THRB: variants seen among roughly 807,000 people sequenced by gnomAD.
The protein encoded by THRB is nuclear receptor subfamily 1 group A member 2.
THRB carries 12 observed loss-of-function variants against 47.8 expected under a neutral mutation model. That is an observed-to-expected ratio of 0.25 (90% confidence interval 0.16 to 0.41). The LOEUF (loss-of-function observed/expected upper bound fraction) is 0.41, where lower values mean the gene tolerates loss of function less well. THRB is among the 10% of genes least tolerant of loss of function. The pLI, the probability that THRB is intolerant of heterozygous loss-of-function variation, is 1.00. For missense variants in THRB, 348 were observed against 589.2 expected (o/e 0.59, Z 4.24); for synonymous variants, 218 against 212.2 (o/e 1.03, Z -0.24).
chr3:24,316,775 A>G (rs2058144332), intron 2 of THRB, among the ~76,000 whole-genome samples: 1 of 151,986 alleles, frequency 6.6e-6, no homozygotes, highest in South Asian at 2.1e-4. Flanking sequence ...CACCAGTCCT[A>G]TTCCTAACTT....
chr3:24,321,591 T>G (rs972297307), intron 2 of THRB, among the ~76,000 whole-genome samples: 1 of 152,128 alleles, frequency 6.6e-6, no homozygotes, highest in Non-Finnish European at 1.5e-5. Context: ...TAAGGTTTCA[T>G]AAATTCCTTG....
rs115509279 is a variant in THRB at position 24,266,417 on chromosome 3, T to C, written c.-43+30809A>G. On this transcript the variant is annotated intron_variant, in intron 3 of 10. Transcript: ENST00000646209. Reference sequence around the variant, plus strand: ...TGGGCCGAATCCAAAGAATCTCTAATGATGACTTTAGACTTGGGAAGAAAT... The same window carrying C: ...TGGGCCGAATCCAAAGAATCTCTAACGATGACTTTAGACTTGGGAAGAAAT... Among the ~76,000 whole-genome samples the C allele has an allele frequency of 4.1e-3, 623 of 152,182 alleles. 5 individuals carry two copies. Among genetic ancestry groups the C allele is most frequent in the African/African-American group, 0.015 (603 of 41,514 alleles).
At chr3:24,330,484 G>T (rs1280620222) in intron 2 of THRB, among the ~76,000 whole-genome samples, 1 of 152,162 alleles carries the variant, frequency 6.6e-6, no homozygotes, top group Non-Finnish European at 1.5e-5. Flanking sequence ...GCGGGTATTT[G>T]ATCCATCACC....
chr3:24,293,794 G>A (rs1056809527), intron 3 of THRB, among the ~76,000 whole-genome samples: 1 of 152,214 alleles, frequency 6.6e-6, no homozygotes, highest in African/African-American at 2.4e-5. Context: ...CAAAGCAGAT[G>A]CCATTGTGGC....
intron 5 of THRB, among the ~76,000 whole-genome samples, chr3:24,168,098 G>T (rs1405276319): frequency 2.6e-5 from 4 of 152,066 alleles, no homozygotes; most frequent in African/African-American, 9.7e-5. Flanking sequence ...GGAGAAAAGA[G>T]AACAAAACAT....
chr3:24,290,444 C>G (rs2150968537), intron 3 of THRB, among the ~76,000 whole-genome samples: 1 of 152,254 alleles, frequency 6.6e-6, no homozygotes, highest in Admixed American at 6.5e-5. Flanking sequence ...CAGTGAGCAT[C>G]ATATCCTGGG....
rs1163428357 is a variant in THRB, at chr3:24,252,446, T to C, written c.-42-23445A>G. Among the ~76,000 whole-genome samples the C allele has an allele frequency of 2.6e-5, 4 of 152,202 alleles. No individual in the cohort carries two copies. In the South Asian group the frequency reaches 6.2e-4, roughly 24 times the overall value. On this transcript the variant is annotated intron_variant, in intron 3 of 10. Coordinates refer to ENST00000646209, the MANE Select transcript of THRB (RefSeq NM_001354712.2). ...AGTTGAATCTATAACTCATACCTTA[T>C]GCCTGGTTAAATACCAAGTATATGA...
intron 1 of THRB, among the ~76,000 whole-genome samples, chr3:24,456,690 TAAAC>T (rs1414457216): frequency 6.6e-6 from 1 of 151,496 alleles, no homozygotes; most frequent in African/African-American, 2.4e-5. Context: ...TATAAGATAG[TAAAC>T]AAACTGCTTA....
intron 3 of THRB, among the ~76,000 whole-genome samples, chr3:24,238,590 C>G (rs1473426150): frequency 6.6e-6 from 1 of 152,086 alleles, no homozygotes; most frequent in African/African-American, 2.4e-5. Context: ...AGAAAAGACT[C>G]TAGTACTTGA....
chr3:24,257,059 T>G (rs988657884), intron 3 of THRB, among the ~76,000 whole-genome samples: 1 of 152,184 alleles, frequency 6.6e-6, no homozygotes, highest in African/African-American at 2.4e-5. Flanking sequence ...TCATGTGACC[T>G]TAAGCACATC....
chr3:24,186,320 C>G (rs114178986), intron 5 of THRB, among the ~76,000 whole-genome samples: 1 of 152,006 alleles, frequency 6.6e-6, no homozygotes, highest in African/African-American at 2.4e-5. Flanking sequence ...CTGGATATAT[C>G]GTCTCAGACT....
At chr3:24,271,831 G>A (rs568791671) in intron 3 of THRB, among the ~76,000 whole-genome samples, 1 of 152,096 alleles carries the variant, frequency 6.6e-6, no homozygotes, top group African/African-American at 2.4e-5. Context: ...AGGTATGTAA[G>A]CTCTAGGGAA....
At chr3:24,346,760 A>T (rs2063042908) in intron 1 of THRB, among the ~76,000 whole-genome samples, 1 of 152,074 alleles carries the variant, frequency 6.6e-6, no homozygotes, top group Admixed American at 6.6e-5. Context: ...CTAGTTATTA[A>T]GCCTCAAAAT....
chr3:24,438,188 A>G (rs925640970), intron 1 of THRB, among the ~76,000 whole-genome samples: 8 of 152,030 alleles, frequency 5.3e-5, no homozygotes, highest in African/African-American at 1.2e-4. Context: ...TTCATTCCAG[A>G]GTCCAGAATG....
intron 5 of THRB, among the ~76,000 whole-genome samples, chr3:24,185,690 C>T (rs2042480989): frequency 6.6e-6 from 1 of 152,018 alleles, no homozygotes; most frequent in Non-Finnish European, 1.5e-5. Context: ...CAGGGAGGTC[C>T]CTGATTGACA....
chr3:24,255,369 C>A (rs2051152949), intron 3 of THRB, among the ~76,000 whole-genome samples: 1 of 152,134 alleles, frequency 6.6e-6, no homozygotes, highest in African/African-American at 2.4e-5. Context: ...ACAATATATA[C>A]ATATACAATA....
chr3:24,266,914 G>C (rs1156652275), intron 3 of THRB, among the ~76,000 whole-genome samples: 1 of 152,010 alleles, frequency 6.6e-6, no homozygotes, highest in Non-Finnish European at 1.5e-5. Flanking sequence ...GACGAGGAAG[G>C]AAGAGAGGGA....
chr3:24,135,196 C>T lies in THRB; in HGVS notation c.739-1734G>A, dbSNP rs72619915. 3.8e-3 allele frequency among the ~76,000 whole-genome samples: 573 copies of T among 152,294 alleles called. 10 individuals carry two copies. The East Asian group carries it at 0.052, about 14-fold the overall frequency. On this transcript the variant is annotated intron_variant, in intron 8 of 10. Transcript: ENST00000646209. ...TCCCTTGCCTCCTCCCGCATATCTC[C>T]TGTTACTGCTCACATCACATTTTTA... is the stretch of plus-strand genomic sequence containing the variant.
chr3:24,264,504 T>A (rs377384141), intron 3 of THRB, among the ~76,000 whole-genome samples: 3 of 119,514 alleles, frequency 2.5e-5, no homozygotes, highest in South Asian at 2.7e-4. Flanking sequence ...ATTATCTCCT[T>A]GTTTTCCCAG....
Sources: gnomAD v4.1 joint callset for allele counts (sites outside exome capture counted in the v4.1 genomes callset) on GRCh38, gnomAD v4.1.1 for gene constraint, MANE v1.5 for transcripts, NCBI Gene and HGNC (gene_info 2026-07-23, HGNC 2026-07-21) for gene names.